The following ARHGAP32 variants were observed in gnomAD, a reference collection of about 807,000 sequenced individuals.
The protein encoded by ARHGAP32 is Rho GTPase activating protein 32, also known as rho GTPase-activating protein 32.
In ARHGAP32, 51 loss-of-function variants were observed where a neutral mutation model predicts 186.5. The observed-to-expected ratio is 0.27, with a 90% confidence interval of 0.22 to 0.35. The LOEUF (loss-of-function observed/expected upper bound fraction) is 0.35. Ranked by LOEUF, ARHGAP32 falls within the 10% of genes least tolerant of loss-of-function variation. The probability of loss-of-function intolerance (pLI) is 1.00; values close to 1 mark genes in which losing one functional copy is unlikely to be tolerated. For missense variants in ARHGAP32, 2,186 were observed against 2,623.5 expected (o/e 0.83, Z 3.64); for synonymous variants, 950 against 964.3 (o/e 0.99, Z 0.27).
At chr11:129,069,528 T>C (rs761372887) in intron 6 of ARHGAP32, among the ~76,000 whole-genome samples, 1 of 152,062 alleles carries the variant, frequency 6.6e-6, no homozygotes, top group Non-Finnish European at 1.5e-5. Context: ...TTCTTAACAA[T>C]TACTTTTTAG....
intron 10 of ARHGAP32, among the ~76,000 whole-genome samples, chr11:129,060,129 T>G (rs1176860744): frequency 6.6e-6 from 1 of 152,240 alleles, no homozygotes; most frequent in African/African-American, 2.4e-5. Flanking sequence ...ATGAACTAAT[T>G]GTGTGCGTCT....
At chr11:129,084,924 T>C (rs950496233) in intron 6 of ARHGAP32, among the ~76,000 whole-genome samples, 1 of 152,062 alleles carries the variant, frequency 6.6e-6, no homozygotes, top group Non-Finnish European at 1.5e-5. Flanking sequence ...CTGGCACTAA[T>C]AAATGATTTA....
chr11:129,024,855 C>T (rs956616408), intron 11 of ARHGAP32, among the ~76,000 whole-genome samples: 22 of 152,132 alleles, frequency 1.4e-4, no homozygotes, highest in Admixed American at 1.4e-3. Context: ...AATCTCAATT[C>T]GTGACTTTTT....
chr11:129,037,888 G>A (rs1939420660), intron 11 of ARHGAP32, among the ~76,000 whole-genome samples: 2 of 151,854 alleles, frequency 1.3e-5, no homozygotes, highest in East Asian at 1.9e-4. Flanking sequence ...GGATCACGAT[G>A]TCAGGAGTTT....
At chr11:128,977,135 C>A (rs1292986447) in intron 19 of ARHGAP32, among the ~76,000 whole-genome samples, 1 of 152,154 alleles carries the variant, frequency 6.6e-6, no homozygotes, top group East Asian at 1.9e-4. Context: ...TTCCCTGGAG[C>A]CTCTGGAGCA....
chr11:129,000,495 A>G (rs892123841), intron 11 of ARHGAP32, among the ~76,000 whole-genome samples: 6 of 152,120 alleles, frequency 3.9e-5, no homozygotes, highest in African/African-American at 1.4e-4. Flanking sequence ...AAAAATTTTC[A>G]TGGGTACACA....
rs370015841 is a variant in ARHGAP32 at position 129,064,056 on chromosome 11, G to C, written c.763-32C>G. On this transcript the variant is annotated intron_variant, in intron 8 of 22. Transcript: ENST00000682385. Reference sequence around the variant, plus strand: ...CAAAGAAAATGTACTATGAGATAAAGACACTGGACTTGCAAATGCTTCTTT... The same window carrying C: ...CAAAGAAAATGTACTATGAGATAAACACACTGGACTTGCAAATGCTTCTTT... The C allele has an allele frequency of 5.1e-6, 8 of 1,556,046 alleles. No individual in the cohort carries two copies. In the African/African-American group the frequency reaches 8.3e-5, roughly 16 times the overall value.
intron 1 of ARHGAP32, among the ~76,000 whole-genome samples, chr11:129,177,119 C>T (rs1381080654): frequency 1.3e-5 from 2 of 151,738 alleles, no homozygotes; most frequent in African/African-American, 4.8e-5. Flanking sequence ...CCACCGATCC[C>T]ACAGAAATAC....
intron 11 of ARHGAP32, among the ~76,000 whole-genome samples, chr11:129,020,024 T>C (rs1938529603): frequency 6.6e-6 from 1 of 152,054 alleles, no homozygotes; most frequent in Non-Finnish European, 1.5e-5. Context: ...GACAATACGA[T>C]TCTAGATTTT....
chr11:129,003,654 T>A (rs1937625935), intron 11 of ARHGAP32, among the ~76,000 whole-genome samples: 1 of 152,176 alleles, frequency 6.6e-6, no homozygotes, highest in African/African-American at 2.4e-5. Context: ...TTCTAGATTT[T>A]CCAATTTACT....
At chr11:129,124,320 T>C (rs1248195068) in intron 3 of ARHGAP32, among the ~76,000 whole-genome samples, 1 of 152,186 alleles carries the variant, frequency 6.6e-6, no homozygotes, top group Non-Finnish European at 1.5e-5. Flanking sequence ...CCATTTGTGC[T>C]GCCATGTTGG....
intron 1 of ARHGAP32, among the ~76,000 whole-genome samples, chr11:129,278,809 G>A (rs1305239046): frequency 6.6e-6 from 1 of 151,244 alleles, no homozygotes; most frequent in Non-Finnish European, 1.5e-5. Context: ...CCACTCGGCC[G>A]CTCCCAGGAG....
intron 1 of ARHGAP32, among the ~76,000 whole-genome samples, chr11:129,241,621 G>A (rs1435238572): frequency 6.6e-6 from 1 of 152,062 alleles, no homozygotes; most frequent in African/African-American, 2.4e-5. Flanking sequence ...CTCCAGCCTG[G>A]GCAACAGGGC....
chr11:129,120,063 T>C (rs966221567), intron 5 of ARHGAP32, among the ~76,000 whole-genome samples: 1 of 152,142 alleles, frequency 6.6e-6, no homozygotes, highest in Non-Finnish European at 1.5e-5. Flanking sequence ...TCATTCTTGC[T>C]GCTGTGCCAA....
chr11:129,196,267 T>G (rs1944388864), upstream of ARHGAP32, among the ~76,000 whole-genome samples: 2 of 152,184 alleles, frequency 1.3e-5, no homozygotes, highest in African/African-American at 4.8e-5. Context: ...TCCGTATGCA[T>G]GGGTTCTGCA....
At chr11:129,062,134 A>G (rs1230068244) in intron 10 of ARHGAP32, 146 bp downstream of exon 10, 6 of 650,450 alleles carry the variant, frequency 9.2e-6, no homozygotes, top group East Asian at 5.4e-5. Context: ...ATCTAAATCT[A>G]TTATCATTAC....
chr11:129,089,833 T>C (rs1287049015), intron 6 of ARHGAP32, among the ~76,000 whole-genome samples: 1 of 152,206 alleles, frequency 6.6e-6, no homozygotes, highest in Non-Finnish European at 1.5e-5. Context: ...TGGAAAGAAA[T>C]GGACAAATTT....
chr11:129,248,079 G>A (rs553771985), intron 1 of ARHGAP32, among the ~76,000 whole-genome samples: 23 of 151,988 alleles, frequency 1.5e-4, no homozygotes, highest in South Asian at 6.2e-4. Flanking sequence ...TTGGGAGGCC[G>A]AGGCGGGCAG....
At chr11:129,125,541 A>T (rs1942640195) in intron 2 of ARHGAP32, among the ~76,000 whole-genome samples, 1 of 152,140 alleles carries the variant, frequency 6.6e-6, no homozygotes, top group Admixed American at 6.5e-5. Context: ...ACTTAAGTTG[A>T]ATTATGATAG....
Sources: allele counts gnomAD v4.1 joint callset (sites outside exome capture counted in the v4.1 genomes callset), GRCh38; gene constraint gnomAD v4.1.1; transcripts MANE v1.5; gene names NCBI Gene and HGNC (gene_info 2026-07-23, HGNC 2026-07-21).